The following PTPRD variants were observed in gnomAD, a reference collection of about 807,000 sequenced individuals.
The protein encoded by PTPRD is receptor-type tyrosine-protein phosphatase delta.
In PTPRD, 34 loss-of-function variants were observed where a neutral mutation model predicts 214.5. That is an observed-to-expected ratio of 0.16 (90% CI 0.12 to 0.21). The LOEUF (loss-of-function observed/expected upper bound fraction) is 0.21. Ranked by LOEUF, PTPRD falls within the 10% of genes least tolerant of loss-of-function variation. The pLI, the probability that PTPRD is intolerant of heterozygous loss-of-function variation, is 1.00. For synonymous variants in PTPRD, 1,128 were observed against 845.7 expected (o/e 1.33, Z -5.79); for missense variants, 2,545 against 2,398.7 (o/e 1.06, Z -1.27).
chr9:10,497,917 C>T (rs2042563302), intron 2 of PTPRD, among the ~76,000 whole-genome samples: 1 of 151,828 alleles, frequency 6.6e-6, no homozygotes, highest in Non-Finnish European at 1.5e-5. Context: ...CTTTTATGTA[C>T]CATACACTGG....
intron 3 of PTPRD, among the ~76,000 whole-genome samples, chr9:10,205,766 T>C (rs903648774): frequency 2.0e-5 from 3 of 152,274 alleles, no homozygotes; most frequent in South Asian, 2.1e-4. Context: ...ATAATATATA[T>C]CTAGAATTTT....
intron 30 of PTPRD, among the ~76,000 whole-genome samples, chr9:8,477,407 T>G (rs751631763): frequency 3.7e-4 from 56 of 152,210 alleles, no homozygotes; most frequent in Admixed American, 9.8e-4. Flanking sequence ...AAGTAAAGTT[T>G]TACTGATTTC....
intron 3 of PTPRD, among the ~76,000 whole-genome samples, chr9:10,116,365 A>T (rs1279000680): frequency 1.3e-5 from 2 of 152,160 alleles, no homozygotes; most frequent in Non-Finnish European, 2.9e-5. Context: ...TTAATTGATT[A>T]TGAATATAGG....
At chr9:10,261,032 T>A (rs567494949) in intron 3 of PTPRD, among the ~76,000 whole-genome samples, 16 of 114,760 alleles carry the variant, frequency 1.4e-4, no homozygotes, top group South Asian at 5.3e-4. Context: ...ATATATATTA[T>A]ATATGTGTAT....
At chr9:8,379,546 T>C (rs2084313853) in intron 37 of PTPRD, among the ~76,000 whole-genome samples, 1 of 152,190 alleles carries the variant, frequency 6.6e-6, no homozygotes, top group Admixed American at 6.6e-5. Context: ...ACAATAGAGA[T>C]ATTTTTTCTT....
intron 10 of PTPRD, among the ~76,000 whole-genome samples, chr9:9,076,002 G>A (rs965165726): frequency 1.3e-5 from 2 of 152,114 alleles, no homozygotes; most frequent in African/African-American, 4.8e-5. Context: ...TTCCACAATG[G>A]TTGAACTAGT....
intron 36 of PTPRD, among the ~76,000 whole-genome samples, chr9:8,402,748 G>T (rs866838493): frequency 6.6e-6 from 1 of 151,548 alleles, no homozygotes; most frequent in Non-Finnish European, 1.5e-5. Flanking sequence ...TAAATGTAAG[G>T]TAATCATCCA....
At chr9:9,510,982 C>A (rs1033116018) in intron 8 of PTPRD, among the ~76,000 whole-genome samples, 9 of 151,682 alleles carry the variant, frequency 5.9e-5, no homozygotes, top group Non-Finnish European at 1.3e-4. Flanking sequence ...GGAGACACTA[C>A]AGATAGCAAC....
chr9:8,410,525 T>C (rs887434295), intron 35 of PTPRD, among the ~76,000 whole-genome samples: 7 of 152,202 alleles, frequency 4.6e-5, no homozygotes, highest in African/African-American at 1.4e-4. Context: ...GCACCTCTGA[T>C]CCAGGCCAAC....
chr9:8,400,610 C>A (rs1021720), intron 36 of PTPRD, among the ~76,000 whole-genome samples: 42,574 of 152,054 alleles, frequency 0.28, 6,174 homozygotes, highest in African/African-American at 0.32. Flanking sequence ...TAAGTGACTT[C>A]AGACACTGTC....
chr9:8,693,844 G>C (rs764430406), intron 12 of PTPRD, among the ~76,000 whole-genome samples: 9 of 152,178 alleles, frequency 5.9e-5, no homozygotes, highest in South Asian at 2.1e-4. Context: ...AACAACTTGC[G>C]TTGCTTGAAT....
rs547771610 is a variant in PTPRD, at chr9:9,030,432, A to C, written c.-142-11697T>G. On this transcript the variant is annotated intron_variant, in intron 10 of 45. Coordinates refer to ENST00000381196, the MANE Select transcript of PTPRD (RefSeq NM_002839.4). ...ATACCTGCGTCCTCAATCAACACTT[A>C]CCACAGACAGACTGATATTATCTTT... Among the ~76,000 whole-genome samples, 39 of 151,756 alleles carry C rather than the reference A, an allele frequency of 2.6e-4. No individual in the cohort carries two copies. In the South Asian group the frequency reaches 5.4e-3, roughly 21 times the overall value.
chr9:10,079,003 CT>C (rs201272869), intron 3 of PTPRD, among the ~76,000 whole-genome samples: 13 of 151,350 alleles, frequency 8.6e-5, no homozygotes, highest in Admixed American at 7.9e-4. Context: ...TTTTCTTTTT[CT>C]TTTTTTTGGG....
At chr9:10,278,884 C>G (rs1595995921) in intron 3 of PTPRD, among the ~76,000 whole-genome samples, 1 of 152,206 alleles carries the variant, frequency 6.6e-6, no homozygotes, top group Middle Eastern at 3.4e-3. Context: ...AAGCCATTCT[C>G]CTGCCTCAGC....
intron 3 of PTPRD, among the ~76,000 whole-genome samples, chr9:10,096,106 C>T (rs145103313): frequency 3.8e-4 from 58 of 151,658 alleles, no homozygotes; most frequent in African/African-American, 6.3e-4. Flanking sequence ...TGATTACATA[C>T]GAGCGTAAAC....
chr9:9,215,573 C>T (rs1361975675), intron 9 of PTPRD, among the ~76,000 whole-genome samples: 1 of 152,108 alleles, frequency 6.6e-6, no homozygotes, highest in Non-Finnish European at 1.5e-5. Context: ...AGGAATTTCC[C>T]CTACTGCTGC....
intron 10 of PTPRD, among the ~76,000 whole-genome samples, chr9:9,143,369 A>G (rs568013306): frequency 6.6e-6 from 1 of 152,184 alleles, no homozygotes; most frequent in Non-Finnish European, 1.5e-5. Context: ...TTCCTTCCAC[A>G]CCCTGACACT....
chr9:8,823,583 C>A (rs528792729), intron 11 of PTPRD, among the ~76,000 whole-genome samples: 5 of 151,652 alleles, frequency 3.3e-5, no homozygotes, highest in Non-Finnish European at 7.4e-5. Flanking sequence ...CCAGGGAGGT[C>A]GAGACTGCAG....
chr9:9,718,716 T>C (rs1052056624), intron 7 of PTPRD, among the ~76,000 whole-genome samples: 1 of 152,206 alleles, frequency 6.6e-6, no homozygotes, highest in African/African-American at 2.4e-5. Context: ...TGGTCAGGTG[T>C]GCCTGTACTT....
Sources: allele counts gnomAD v4.1 joint callset (sites outside exome capture counted in the v4.1 genomes callset), GRCh38; gene constraint gnomAD v4.1.1; transcripts MANE v1.5; gene names NCBI Gene and HGNC (gene_info 2026-07-23, HGNC 2026-07-21).